The following IQSEC3 variants were observed in gnomAD, a reference collection of about 807,000 sequenced individuals.
The protein encoded by IQSEC3 is IQ motif and SEC7 domain-containing protein 3.
A neutral mutation model predicts 105.4 loss-of-function variants in IQSEC3; 50 were observed. The observed-to-expected ratio is 0.47, with a 90% CI of 0.38 to 0.60. IQSEC3 has a LOEUF of 0.60. IQSEC3 is among the 20% of genes least tolerant of loss of function. The pLI is 0.00. For synonymous variants in IQSEC3, 708 were observed against 746.0 expected, an observed-to-expected ratio of 0.95 and a Z score of 0.83; for missense variants, 1,415 against 1,630.0, an observed-to-expected ratio of 0.87 and a Z score of 2.27.
At chr12:164,639 T>C (rs11061697) in intron 9 of IQSEC3, 3 of 152,258 alleles carry the variant, frequency 2.0e-5, no homozygotes, top group Admixed American at 2.0e-4. Flanking sequence ...TTTGCTGTTA[T>C]GCTTTATTGT....
chr12:138,276 C>T lies in IQSEC3; in HGVS notation c.913C>T (p.Leu305=). Residue 305 remains leucine, a synonymous_variant, in exon 4 of 14, where the codon CTA becomes TTA. Transcript: ENST00000538872. This position sits in a 1 kb window ranked among gnomAD's most constrained non-coding sequence, Gnocchi z 7.1. ...GTCCTCGTCCTTGCAGATTGAAATG[C>T]TAGAACATAAGTACGGCGGTCACCT... ...LDLKNKQIEM[L]EHKYGGHLVS... is the part of the protein sequence containing the mutation. 6.2e-7 allele frequency: 1 copy of T among 1,611,416 alleles called. No homozygotes were observed. The highest frequency in any genetic ancestry group is 1.1e-5 in the South Asian group (1 of 90,892).
At chr12:169,670 G>A (rs775110519) in intron 12 of IQSEC3, among the ~76,000 whole-genome samples, 14 of 152,138 alleles carry the variant, frequency 9.2e-5, no homozygotes, top group Non-Finnish European at 1.8e-4. Flanking sequence ...CACTCCAGCC[G>A]AGTCACACTG....
chr12:161,982 A>G lies in IQSEC3; in HGVS notation c.2500A>G (p.Ile834Val), dbSNP rs782397032. Residue 834 changes from isoleucine to valine, a missense_variant, in exon 8 of 14, where the codon ATA (isoleucine) becomes GTA (valine). By Grantham distance (29) the Ile-to-Val change is conservative. Transcript: ENST00000538872. ...GCTGGTGGTAGGCATCTATGAGAGG[A>G]TACAGCAGAAGGAGCTCAAGTCCAA... is the stretch of plus-strand genomic sequence containing the variant. ...RELVVGIYER[I>V]QQKELKSNED... 4 of 1,613,430 alleles carry G rather than the reference A, an allele frequency of 2.5e-6. No individual in the cohort carries two copies. The highest frequency in any genetic ancestry group is 2.2e-5 in the East Asian group (1 of 44,850).
rs782111165 is a variant in IQSEC3, at chr12:138,371, G to C, written c.1008G>C (p.Glu336Asp). The change falls in exon 4 of 14, where the codon GAG (glutamate) becomes GAC (aspartate). Residue 336 changes from glutamate (E) to aspartate (D), a missense_variant. Coordinates refer to ENST00000538872, the MANE Select transcript of IQSEC3 (RefSeq NM_001170738.2). This position sits in a 1 kb window ranked among gnomAD's most constrained non-coding sequence, Gnocchi z 7.1. ...AATACCAGCTCAGCAAGAACTTCGA[G>C]AAAATCCGCAACTCGCTTCTGGAGA... ...FRQYQLSKNF[E>D]KIRNSLLESR... The C allele has an allele frequency of 1.2e-6, 2 of 1,612,890 alleles. No homozygotes were observed. The highest frequency in any genetic ancestry group is 1.7e-5 in the Admixed American group (1 of 60,034).
At chr12:154,302 A>T (rs56263498) in intron 5 of IQSEC3, among the ~76,000 whole-genome samples, 46,878 of 109,464 alleles carry the variant, frequency 0.43, 7,466 homozygotes, top group East Asian at 0.56. Flanking sequence ...TGCCACCCTC[A>T]CCAGCTGCTC....
intron 5 of IQSEC3, among the ~76,000 whole-genome samples, chr12:155,022 T>C (rs7956044): frequency 0.15 from 22,609 of 152,150 alleles, 3,148 homozygotes; most frequent in African/African-American, 0.37. Flanking sequence ...CACAGCCTCT[T>C]GGTCACCAGC....
intron 3 of IQSEC3, among the ~76,000 whole-genome samples, chr12:128,784 TC>T (rs2136975968): frequency 6.6e-6 from 1 of 152,194 alleles, no homozygotes; most frequent in East Asian, 1.9e-4. Context: ...TTGAGCTCTG[TC>T]CCTTCCAACC....
Position 101,562 on chromosome 12 carries a change from C to T in IQSEC3, c.623+2348C>T, listed in dbSNP as rs183779067. ...TGGAGGCGCCTATACACCCTGCTTACGGGGGCCCTCCCCCTGGCTGGGGAC... is the reference window on the plus strand; with the variant it reads ...TGGAGGCGCCTATACACCCTGCTTATGGGGGCCCTCCCCCTGGCTGGGGAC... On this transcript the variant is annotated intron_variant, in intron 2 of 13. Coordinates refer to ENST00000538872, the MANE Select transcript of IQSEC3 (RefSeq NM_001170738.2). Among the ~76,000 whole-genome samples, 25 of 152,232 alleles carry T rather than the reference C, an allele frequency of 1.6e-4. No homozygotes were observed. The East Asian group carries it at 1.9e-3, about 12-fold the overall frequency.
In IQSEC3 at chr12:107,402, C is replaced by CTTTTTTTTT. The variant is rs58053657; in HGVS notation, c.623+8205_623+8213dup. On this transcript the variant is annotated intron_variant, in intron 2 of 13. Coordinates refer to ENST00000538872, the MANE Select transcript of IQSEC3 (RefSeq NM_001170738.2). ...AGGTTTCCCTCCGGTAGTCTGTTTT[C>CTTTTTTTTT]TTTTTTTTTTTTTTTTTTTTTTTTT... 1.7e-3 allele frequency among the ~76,000 whole-genome samples: 131 copies of CTTTTTTTTT among 75,984 alleles called. 3 individuals are homozygous for CTTTTTTTTT. Among genetic ancestry groups the CTTTTTTTTT allele is most frequent in the African/African-American group, 2.0e-3 (38 of 19,248 alleles). The allele number at this position is 75,984 out of a possible 152,430, so 49.8% of individuals were successfully genotyped here. A position where few individuals can be genotyped will look rare whatever the true frequency, so the allele number is the denominator to read the frequency against.
In IQSEC3 at chr12:175,281, G is replaced by A. The variant is rs972606355; in HGVS notation, c.*248G>A. ...CCCAGGGCCCTACACAGCCAGACCC[G>A]GCGAGGCCTCCTCTTCCCCTGGCCA... On this transcript the variant is annotated 3_prime_UTR_variant, in exon 14 of 14. Coordinates refer to ENST00000538872, the MANE Select transcript of IQSEC3 (RefSeq NM_001170738.2). The A allele has an allele frequency of 2.7e-5, 12 of 451,472 alleles. No homozygotes were observed. Among genetic ancestry groups the A allele is most frequent in the Non-Finnish European group, 3.9e-5 (10 of 257,344 alleles). The allele number at this position is 451,472 out of a possible 1,614,324, so 28.0% of individuals were successfully genotyped here. A position where few individuals can be genotyped will look rare whatever the true frequency, so the allele number is the denominator to read the frequency against.
intron 7 of IQSEC3, among the ~76,000 whole-genome samples, chr12:161,435 C>T (rs1555096180): frequency 6.6e-6 from 1 of 152,058 alleles, no homozygotes. Flanking sequence ...GGAGGAATCT[C>T]TTCAAAGACT....
chr12:174,367 G>T (rs571587810), intron 13 of IQSEC3, among the ~76,000 whole-genome samples: 3 of 152,292 alleles, frequency 2.0e-5, no homozygotes, highest in Admixed American at 2.0e-4. Flanking sequence ...AGGCCGTACA[G>T]CGACACTGCT....
intron 2 of IQSEC3, among the ~76,000 whole-genome samples, chr12:102,794 G>A (rs1405703105): frequency 6.6e-6 from 1 of 152,212 alleles, no homozygotes; most frequent in African/African-American, 2.4e-5. Context: ...TGTCTGCAAA[G>A]GGAGGCTGAA....
At chr12:70,016 T>G (rs1273561269) in intron 1 of IQSEC3, among the ~76,000 whole-genome samples, 1 of 152,246 alleles carries the variant, frequency 6.6e-6, no homozygotes, top group African/African-American at 2.4e-5. Flanking sequence ...GGTTCTCTAC[T>G]GGGAGTGCTG....
intron 2 of IQSEC3, among the ~76,000 whole-genome samples, chr12:104,486 A>C (rs371515626): frequency 6.6e-6 from 1 of 152,256 alleles, no homozygotes; most frequent in Non-Finnish European, 1.5e-5. Context: ...ACTGATGTTA[A>C]TATTTTAGTG....
At chr12:168,599 T>G (rs782505582) in intron 11 of IQSEC3, among the ~76,000 whole-genome samples, 4 of 152,192 alleles carry the variant, frequency 2.6e-5, no homozygotes, top group African/African-American at 9.7e-5. Flanking sequence ...GGCCTTGTGC[T>G]TTATGTGTAT....
Position 138,051 on chromosome 12 carries a change from C to T in IQSEC3, c.904-216C>T, listed in dbSNP as rs1865841123. On this transcript the variant is annotated intron_variant, in intron 3 of 13. Coordinates refer to ENST00000538872, the MANE Select transcript of IQSEC3 (RefSeq NM_001170738.2). This position sits in a 1 kb window ranked among gnomAD's most constrained non-coding sequence, Gnocchi z 7.1. ...CCTGGCCCTTGAGACATCACTAGTC[C>T]CCAGAACGGACCCCTCCGTCCTACA... Among the ~76,000 whole-genome samples the T allele has an allele frequency of 6.6e-6, 1 of 151,960 alleles. No individual in the cohort carries two copies. Among genetic ancestry groups the T allele is most frequent in the Admixed American group, 6.6e-5 (1 of 15,246 alleles).
At chr12:103,661 G>C (rs1387653827) in intron 2 of IQSEC3, among the ~76,000 whole-genome samples, 1 of 52,276 alleles carries the variant, frequency 1.9e-5, no homozygotes, top group Non-Finnish European at 3.4e-5. Context: ...GAGAGGTGGA[G>C]TTCGGTGGGG....
intron 1 of IQSEC3, among the ~76,000 whole-genome samples, chr12:87,579 G>A (rs1565385777): frequency 6.6e-6 from 1 of 152,182 alleles, no homozygotes; most frequent in Non-Finnish European, 1.5e-5. Flanking sequence ...GCTCACACAA[G>A]CAGACAACTC....
Sources: allele counts gnomAD v4.1 joint callset (sites outside exome capture counted in the v4.1 genomes callset), GRCh38; gene constraint gnomAD v4.1.1; non-coding constraint Gnocchi (gnomAD v3.1); transcripts MANE v1.5; gene names NCBI Gene and HGNC (gene_info 2026-07-23, HGNC 2026-07-21).